The following PRRX1 variants were observed in gnomAD, a reference collection of about 807,000 sequenced individuals.
The protein encoded by PRRX1 is paired mesoderm homeobox protein 1.
A neutral mutation model predicts 24.0 loss-of-function variants in PRRX1; 8 were observed. The observed-to-expected ratio is 0.33, with a 90% CI of 0.20 to 0.60. The LOEUF is 0.60. PRRX1 is among the 20% of genes least tolerant of loss of function. The probability of loss-of-function intolerance (pLI) is 0.82; values close to 1 mark genes in which losing one functional copy is unlikely to be tolerated. For missense variants in PRRX1, 281 were observed against 322.4 expected (o/e 0.87, Z 0.98); for synonymous variants, 160 against 131.7 (o/e 1.22, Z -1.47).
chr1:170,718,003 G>A (rs1019768133), intron 1 of PRRX1, among the ~76,000 whole-genome samples: 5 of 152,164 alleles, frequency 3.3e-5, no homozygotes, highest in African/African-American at 7.2e-5. Context: ...CCAAAGCTGG[G>A]CCCTGAGGTA....
At chr1:170,732,990 G>A (rs1365565304) in intron 3 of PRRX1, among the ~76,000 whole-genome samples, 2 of 152,114 alleles carry the variant, frequency 1.3e-5, no homozygotes, top group Admixed American at 6.6e-5. Context: ...TGCCGTTTAT[G>A]TGAAAAATGT....
intron 1 of PRRX1, among the ~76,000 whole-genome samples, chr1:170,696,881 A>G (rs1279711857): frequency 6.6e-6 from 1 of 152,158 alleles, no homozygotes; most frequent in East Asian, 1.9e-4. Context: ...TAGAACACCA[A>G]TGAAAGGAGA....
chr1:170,719,685 C>A (rs974311716), intron 1 of PRRX1, 41 bp from the exon 2 acceptor site: 2 of 1,601,436 alleles, frequency 1.2e-6, no homozygotes, highest in African/African-American at 2.7e-5. Flanking sequence ...GGGACTCCTA[C>A]AGTGAATTTG....
At chr1:170,676,019 T>C (rs1653309163) in intron 1 of PRRX1, among the ~76,000 whole-genome samples, 1 of 152,180 alleles carries the variant, frequency 6.6e-6, no homozygotes, top group Non-Finnish European at 1.5e-5. Flanking sequence ...CAGAGAGCTC[T>C]TGGCCTATAA....
intron 2 of PRRX1, among the ~76,000 whole-genome samples, chr1:170,721,778 T>G (rs1187268597): frequency 6.6e-6 from 1 of 152,174 alleles, no homozygotes; most frequent in Non-Finnish European, 1.5e-5. Flanking sequence ...CAACACTGCT[T>G]ACCGCAAATC....
chr1:170,682,144 A>G lies in PRRX1; in HGVS notation c.241+17685A>G, dbSNP rs141276468. 3.1e-3 allele frequency among the ~76,000 whole-genome samples: 465 copies of G among 152,264 alleles called. 5 individuals are homozygous for G. The highest frequency in any genetic ancestry group is 0.01 in the African/African-American group (425 of 41,550). On this transcript the variant is annotated intron_variant, in intron 1 of 3. Coordinates refer to ENST00000239461, the MANE Select transcript of PRRX1 (RefSeq NM_022716.4). ...AGAAATAGATTTGTGGCTCAGAATG[A>G]GGAAGAAAGGGATGGCCCTTCTCTC...
intron 1 of PRRX1, chr1:170,669,572 A>T (rs1215199708): frequency 2.6e-5 from 4 of 152,012 alleles, no homozygotes; most frequent in Non-Finnish European, 5.9e-5. Flanking sequence ...TCCCTAGACC[A>T]GTCTGATTTT....
chr1:170,664,531 G>C (rs922980344), intron 1 of PRRX1, 72 bp downstream of exon 1: 2 of 1,518,182 alleles, frequency 1.3e-6, no homozygotes, highest in Non-Finnish European at 1.8e-6. Flanking sequence ...AGGGCAGCTA[G>C]AGCCCGTCCG....
In PRRX1 at chr1:170,683,043, G is replaced by A. The variant is rs116656657; in HGVS notation, c.241+18584G>A. On this transcript the variant is annotated intron_variant, in intron 1 of 3. Transcript: ENST00000239461. ...AGAGATGACAAAGTCAGAGAGATAT[G>A]TAGGGGCTAGGTGACAGGGACTTGT... Among the ~76,000 whole-genome samples, 458 of 152,344 alleles carry A rather than the reference G, an allele frequency of 3.0e-3. 2 individuals carry two copies. The highest frequency in any genetic ancestry group is 9.9e-3 in the African/African-American group (410 of 41,572).
intron 1 of PRRX1, among the ~76,000 whole-genome samples, chr1:170,712,591 G>A (rs548258326): frequency 6.6e-6 from 1 of 152,172 alleles, no homozygotes; most frequent in African/African-American, 2.4e-5. Flanking sequence ...TGGTAGCACT[G>A]GTAGAAGTAA....
At chr1:170,687,605 T>C (rs1036774676) in intron 1 of PRRX1, among the ~76,000 whole-genome samples, 1 of 152,108 alleles carries the variant, frequency 6.6e-6, no homozygotes, top group South Asian at 2.1e-4. Context: ...CTTTATAGGG[T>C]TTTTGTAAGC....
chr1:170,677,910 T>C (rs1290254278), intron 1 of PRRX1, among the ~76,000 whole-genome samples: 2 of 152,224 alleles, frequency 1.3e-5, no homozygotes, highest in Admixed American at 1.3e-4. Flanking sequence ...ATAGAGACTC[T>C]ATGACATATG....
intron 1 of PRRX1, among the ~76,000 whole-genome samples, chr1:170,710,882 C>T (rs1654725184): frequency 6.6e-6 from 1 of 152,184 alleles, no homozygotes. Context: ...GCCTCTGAAA[C>T]ATATTTCTGT....
rs146103011 is a variant in PRRX1, at chr1:170,701,538, T to A, written c.242-18188T>A. ...TACTCAGGCCAAATGTTTTGCTTGT[T>A]TTGTTCAAGAATTACAAATTTAGAG... is the stretch of plus-strand genomic sequence containing the variant. On this transcript the variant is annotated intron_variant, in intron 1 of 3. Transcript: ENST00000239461. Among the ~76,000 whole-genome samples the A allele has an allele frequency of 7.3e-3, 1,118 of 152,306 alleles. 9 individuals are homozygous for A. Among genetic ancestry groups the A allele is most frequent in the African/African-American group, 0.026 (1,078 of 41,568 alleles).
intron 1 of PRRX1, among the ~76,000 whole-genome samples, chr1:170,702,271 G>A (rs532126446): frequency 1.3e-5 from 2 of 152,284 alleles, no homozygotes; most frequent in African/African-American, 4.8e-5. Flanking sequence ...CCGGTCCATG[G>A]CTCTGGGGGT....
chr1:170,709,271 G>C (rs138897373), intron 1 of PRRX1, among the ~76,000 whole-genome samples: 1 of 152,152 alleles, frequency 6.6e-6, no homozygotes, highest in African/African-American at 2.4e-5. Flanking sequence ...AAAGGAGAAG[G>C]GGCCATTAAT....
intron 3 of PRRX1, among the ~76,000 whole-genome samples, chr1:170,733,537 T>C (rs926910713): frequency 6.6e-6 from 1 of 152,114 alleles, no homozygotes; most frequent in Non-Finnish European, 1.5e-5. Context: ...AGTTTTAGCT[T>C]TCTGTTTTCA....
chr1:170,707,784 C>G (rs1292106617), intron 1 of PRRX1, among the ~76,000 whole-genome samples: 1 of 152,152 alleles, frequency 6.6e-6, no homozygotes, highest in Non-Finnish European at 1.5e-5. Flanking sequence ...CTAGTATATC[C>G]AGTTTGTCCT....
At chr1:170,671,458 G>C (rs2101885182) in intron 1 of PRRX1, among the ~76,000 whole-genome samples, 1 of 152,324 alleles carries the variant, frequency 6.6e-6, no homozygotes, top group South Asian at 2.1e-4. Context: ...GACGCCAGGC[G>C]CTGCTTTCCG....
Sources: allele counts gnomAD v4.1 joint callset (sites outside exome capture counted in the v4.1 genomes callset), GRCh38; gene constraint gnomAD v4.1.1; transcripts MANE v1.5; gene names NCBI Gene and HGNC (gene_info 2026-07-23, HGNC 2026-07-21).